Variants in PDGFRA observed in about 807,000 individuals in gnomAD.
PDGFRA encodes the protein platelet-derived growth factor receptor alpha.
Under a neutral mutation model 121.5 loss-of-function variants are expected in PDGFRA, and 25 were observed. The ratio of observed to expected loss-of-function variants is 0.21; its 90% confidence interval spans 0.15 to 0.29. The LOEUF (loss-of-function observed/expected upper bound fraction) is 0.29. PDGFRA is among the 10% of genes least tolerant of loss of function. The pLI, the probability that PDGFRA is intolerant of heterozygous loss-of-function variation, is 1.00. For synonymous variants in PDGFRA, 463 were observed against 494.8 expected (o/e 0.94, Z 0.85); for missense variants, 1,008 against 1,345.1 (o/e 0.75, Z 3.92).
intron 21 of PDGFRA, 82 bp downstream of exon 21, chr4:54,289,196 G>A: frequency 1.2e-6 from 1 of 848,018 alleles, no homozygotes; most frequent in South Asian, 1.4e-5. Flanking sequence ...CAGTTCTAGA[G>A]GAGCATTTTC....
chr4:54,261,516 G>T, intron 3 of PDGFRA, 104 bp downstream of exon 3: 1 of 691,730 alleles, frequency 1.4e-6, no homozygotes, highest in Non-Finnish European at 2.4e-6. Context: ...TATTTATTGC[G>T]GGAAGTTTGA....
chr4:54,261,929 A>G lies in PDGFRA; in HGVS notation c.367+517A>G, dbSNP rs1166666684. On this transcript the variant is annotated intron_variant, in intron 3 of 22. Coordinates refer to ENST00000257290, the MANE Select transcript of PDGFRA (RefSeq NM_006206.6). ...TATATATATATATATATATATATAT[A>G]TATTTTTTTTTTTTTTGGTAACAGG... Among the ~76,000 whole-genome samples the G allele has an allele frequency of 8.3e-5, 5 of 60,480 alleles. No homozygotes were observed. In the East Asian group the frequency reaches 2.4e-3, roughly 29 times the overall value. 39.7% of individuals were successfully genotyped at this position (60,480 alleles called of 152,430 possible).
intron 14 of PDGFRA, 49 bp downstream of exon 14, chr4:54,278,055 G>A (rs2110312754): frequency 9.0e-7 from 1 of 1,113,726 alleles, no homozygotes; most frequent in Non-Finnish European, 1.4e-6. Flanking sequence ...ACATGTGGTT[G>A]TGAAAACTGT....
intron 3 of PDGFRA, among the ~76,000 whole-genome samples, chr4:54,261,931 A>ATATTTTTT (rs57094735): frequency 8.6e-5 from 5 of 58,416 alleles, no homozygotes; most frequent in Admixed American, 2.3e-4. Context: ...ATATATATAT[A>ATATTTTTT]TTTTTTTTTT....
At chr4:54,280,728 T>A in intron 16 of PDGFRA, 1 of 342,802 alleles carries the variant, frequency 2.9e-6, no homozygotes, top group South Asian at 5.6e-5. Context: ...TTTAAAGAAT[T>A]TTCTTGGTGT....
At chr4:54,262,033 G>A (rs1722774151) in intron 3 of PDGFRA, among the ~76,000 whole-genome samples, 1 of 149,928 alleles carries the variant, frequency 6.7e-6, no homozygotes, top group Non-Finnish European at 1.5e-5. Flanking sequence ...CTTGGTTCAA[G>A]CGATTCTCCC....
At chr4:54,237,624 C>T (rs906399963) in intron 1 of PDGFRA, among the ~76,000 whole-genome samples, 1 of 152,218 alleles carries the variant, frequency 6.6e-6, no homozygotes, top group Admixed American at 6.5e-5. Context: ...GCCAGCCTGG[C>T]TCTGGGGCCC....
intron 1 of PDGFRA, among the ~76,000 whole-genome samples, chr4:54,258,147 A>G (rs1712449088): frequency 6.6e-6 from 1 of 151,754 alleles, no homozygotes; most frequent in African/African-American, 2.4e-5. Context: ...TCCTCCTTTC[A>G]TGCTTGTACC....
At chr4:54,288,162 T>C (rs1157814792) in intron 19 of PDGFRA, among the ~76,000 whole-genome samples, 1 of 152,060 alleles carries the variant, frequency 6.6e-6, no homozygotes, top group Non-Finnish European at 1.5e-5. Flanking sequence ...GAGTCTTGAG[T>C]AAAGAGAAAG....
In PDGFRA at chr4:54,297,792, A is replaced by G. The variant is rs1011375046; in HGVS notation, c.*2520A>G. On this transcript the variant is annotated 3_prime_UTR_variant, in exon 23 of 23. Transcript: ENST00000257290. The stretch of plus-strand genomic sequence containing the variant: ...AATCAAAGCCGGCCTGAGAAACACT[A>G]TTTGTGACTTTTTAAACGATTAGTG... 1.3e-5 allele frequency: 3 copies of G among 233,566 alleles called. No individual in the cohort carries two copies. The East Asian group carries it at 1.8e-4, about 14-fold the overall frequency. 14.5% of individuals were successfully genotyped at this position (233,566 alleles called of 1,614,324 possible).
rs1342747503 is a variant in PDGFRA at position 54,245,659 on chromosome 4, C to T, written c.-12-13098C>T. Among the ~76,000 whole-genome samples the T allele has an allele frequency of 2.6e-4, 40 of 151,852 alleles. No individual in the cohort carries two copies. In the South Asian group the frequency reaches 3.1e-3, roughly 12 times the overall value. ...GCTAGGAAGAAACTGCATCAACTAA[C>T]GAGCAAAATAACCAGCTAACATCAT... On this transcript the variant is annotated intron_variant, in intron 1 of 22. Coordinates refer to ENST00000257290, the MANE Select transcript of PDGFRA (RefSeq NM_006206.6).
chr4:54,294,633 G>A (rs1724789454), intron 22 of PDGFRA, among the ~76,000 whole-genome samples: 1 of 152,034 alleles, frequency 6.6e-6, no homozygotes, highest in Admixed American at 6.6e-5. Flanking sequence ...CTCAAGTTGG[G>A]GGTTGGTGGG....
At chr4:54,267,265 G>T in intron 5 of PDGFRA, 24 bp from the exon 6 acceptor site, 1 of 1,613,322 alleles carries the variant, frequency 6.2e-7, no homozygotes, top group Non-Finnish European at 8.5e-7. Flanking sequence ...TTTAAAAGTC[G>T]GTTTTCTTCC....
intron 16 of PDGFRA, among the ~76,000 whole-genome samples, chr4:54,283,293 C>G (rs1724163793): frequency 6.6e-6 from 1 of 152,150 alleles, no homozygotes; most frequent in Non-Finnish European, 1.5e-5. Flanking sequence ...AATATATCCT[C>G]CGAAATCTAG....
At chr4:54,266,393 CT>C (rs1034339575) in intron 5 of PDGFRA, among the ~76,000 whole-genome samples, 28 of 144,768 alleles carry the variant, frequency 1.9e-4, no homozygotes, top group Admixed American at 6.4e-4. Context: ...GTATTTCTTT[CT>C]TTTTTTTTTC....
intron 16 of PDGFRA, chr4:54,280,692 A>C: frequency 2.3e-6 from 1 of 431,500 alleles, no homozygotes; most frequent in East Asian, 3.5e-5. Context: ...AATGTAACAA[A>C]TTTTTTAAAC....
In PDGFRA at chr4:54,272,526, G is replaced by T. The variant is rs368934617; in HGVS notation, c.1364+6G>T. ...ATATGCAAAGATATTAAGAAGTATGGAAAACAGATGTGTCTTCTTCTTTCG... is the reference window on the plus strand; with the variant it reads ...ATATGCAAAGATATTAAGAAGTATGTAAAACAGATGTGTCTTCTTCTTTCG... On this transcript the variant is annotated splice_donor_region_variant and intron_variant, in intron 9 of 22. Coordinates refer to ENST00000257290, the MANE Select transcript of PDGFRA (RefSeq NM_006206.6). 6.2e-6 allele frequency: 10 copies of T among 1,613,258 alleles called. No individual in the cohort carries two copies. In the African/African-American group the frequency reaches 9.3e-5, roughly 15 times the overall value.
In PDGFRA at chr4:54,258,772, G is replaced by A. The variant is rs1722515922; in HGVS notation, c.4G>A (p.Gly2Arg). 3 of 1,612,656 alleles carry A rather than the reference G, an allele frequency of 1.9e-6. No homozygotes were observed. The highest frequency in any genetic ancestry group is 2.5e-6 in the Non-Finnish European group (3 of 1,178,680). M[G>R]TSHPAFLVLG... ...ACTTTTCTAGTTTCCCAGAGCTATG[G>A]GGACTTCCCATCCGGCGTTCCTGGT... The change falls in exon 2 of 23, where the codon GGG (glycine) becomes AGG (arginine). Residue 2 changes from glycine (G) to arginine (R), a missense_variant. Gly to Arg is a moderately radical substitution (Grantham distance 125). This residue lies in a region of PDGFRA where 575 missense variants were observed against 701.8 expected (regional missense o/e 0.82). Transcript: ENST00000257290.
intron 1 of PDGFRA, among the ~76,000 whole-genome samples, chr4:54,235,153 C>A (rs1720941607): frequency 6.6e-6 from 1 of 152,186 alleles, no homozygotes; most frequent in Non-Finnish European, 1.5e-5. Flanking sequence ...GTGTAATTTT[C>A]ACAGTTAGAA....
Sources: gnomAD v4.1 joint callset for allele counts (sites outside exome capture counted in the v4.1 genomes callset) on GRCh38, gnomAD v4.1.1 for gene constraint, gnomAD v4.1.1 regional missense constraint, MANE v1.5 for transcripts, NCBI Gene and HGNC (gene_info 2026-07-23, HGNC 2026-07-21) for gene names.